BBS9: variants seen among roughly 807,000 people sequenced by gnomAD.
The protein encoded by BBS9 is Bardet-Biedl syndrome 9.
In BBS9, 89 loss-of-function variants were observed where a neutral mutation model predicts 117.7. The observed-to-expected ratio is 0.76, with a 90% confidence interval of 0.64 to 0.90. BBS9 has a LOEUF of 0.90. Among genes scored for constraint, BBS9 ranks in the 40% least tolerant of loss-of-function variants. The pLI, the probability that BBS9 is intolerant of heterozygous loss-of-function variation, is 0.00. For synonymous variants in BBS9, 379 were observed against 370.9 expected (o/e 1.02, Z -0.25); for missense variants, 982 against 1,042.2 (o/e 0.94, Z 0.80).
intron 13 of BBS9, among the ~76,000 whole-genome samples, chr7:33,349,711 G>T (rs1208278174): frequency 6.6e-6 from 1 of 152,170 alleles, no homozygotes; most frequent in East Asian, 1.9e-4. Context: ...GATTACAAGC[G>T]TGAGCCACCA....
intron 19 of BBS9, among the ~76,000 whole-genome samples, chr7:33,502,880 G>A (rs1845640844): frequency 6.6e-6 from 1 of 152,154 alleles, no homozygotes; most frequent in South Asian, 2.1e-4. Context: ...ATGAAAATGA[G>A]GGGCCCTTGT....
At position 33,225,699 on chromosome 7, in the gene BBS9, C is replaced by CTTT. The variant is rs72137184; in HGVS notation, c.443-31522_443-31520dup. Reference sequence around the variant, plus strand: ...AGCCACTTCTTTAAGGAGCTTGGTTCTTTTTTTTTTTTTTTTTGTGGGAAA... The same window carrying CTTT: ...AGCCACTTCTTTAAGGAGCTTGGTTCTTTTTTTTTTTTTTTTTTTTGTGGGAAA... On this transcript the variant is annotated intron_variant, in intron 5 of 22. Coordinates refer to ENST00000242067, the MANE Select transcript of BBS9 (RefSeq NM_198428.3). Among the ~76,000 whole-genome samples, 65 of 131,270 alleles carry CTTT rather than the reference C, an allele frequency of 5.0e-4. No homozygotes were observed. In the South Asian group the frequency reaches 0.014, roughly 27 times the overall value. The allele number at this position is 131,270 out of a possible 152,430, so 86.1% of individuals were successfully genotyped here. A position where few individuals can be genotyped will look rare whatever the true frequency, so the allele number is the denominator to read the frequency against.
At chr7:33,332,433 C>G (rs1814289346) in intron 9 of BBS9, among the ~76,000 whole-genome samples, 1 of 152,112 alleles carries the variant, frequency 6.6e-6, no homozygotes, top group African/African-American at 2.4e-5. Context: ...AATCCCAGCA[C>G]TTTGGGAGGC....
chr7:33,248,902 A>AT (rs549339367), intron 5 of BBS9, among the ~76,000 whole-genome samples: 19 of 152,166 alleles, frequency 1.2e-4, no homozygotes, highest in Admixed American at 7.2e-4. Context: ...AAGACCAAAT[A>AT]TTTTTGACAG....
At chr7:33,506,800 T>G (rs1253218834) in intron 20 of BBS9, among the ~76,000 whole-genome samples, 4 of 152,164 alleles carry the variant, frequency 2.6e-5, no homozygotes, top group Admixed American at 2.6e-4. Flanking sequence ...CACATTTTTG[T>G]TTAGTGGTGA....
intron 20 of BBS9, among the ~76,000 whole-genome samples, chr7:33,526,134 G>A (rs1849460207): frequency 6.6e-6 from 1 of 151,642 alleles, no homozygotes; most frequent in Non-Finnish European, 1.5e-5. Flanking sequence ...AGTCTGATGG[G>A]CTTCCCTTTG....
At chr7:33,462,921 C>T (rs1313140111) in intron 19 of BBS9, among the ~76,000 whole-genome samples, 2 of 151,992 alleles carry the variant, frequency 1.3e-5, no homozygotes, top group African/African-American at 4.8e-5. Context: ...TTAAAGGAAA[C>T]CTGAGTGAGT....
intron 15 of BBS9, among the ~76,000 whole-genome samples, chr7:33,353,886 G>T (rs1351171151): frequency 6.6e-6 from 1 of 151,280 alleles, no homozygotes; most frequent in East Asian, 1.9e-4. Context: ...TTAGAATTTG[G>T]GTCATTAAAA....
chr7:33,397,867 G>T (rs947452570), intron 19 of BBS9, among the ~76,000 whole-genome samples: 8 of 151,910 alleles, frequency 5.3e-5, no homozygotes, highest in African/African-American at 1.9e-4. Flanking sequence ...GCTAATGGGT[G>T]CTGGGATTAA....
chr7:33,533,838 T>C, intron 20 of BBS9, 116 bp from the exon 21 acceptor site: 3 of 1,224,550 alleles, frequency 2.4e-6, no homozygotes, highest in Non-Finnish European at 3.6e-6. Context: ...GATACCACAC[T>C]CTTCACAGGT....
intron 21 of BBS9, among the ~76,000 whole-genome samples, chr7:33,577,177 A>C (rs1859047341): frequency 6.6e-6 from 1 of 152,196 alleles, no homozygotes; most frequent in South Asian, 2.1e-4. Context: ...TAACATCCAG[A>C]ATCTACAAAG....
chr7:33,396,059 GA>G (rs1234610856), intron 19 of BBS9, among the ~76,000 whole-genome samples: 1 of 152,018 alleles, frequency 6.6e-6, no homozygotes, highest in African/African-American at 2.4e-5. Context: ...GTTTGTGGAT[GA>G]ACAGGGGTGG....
At chr7:33,425,333 A>C (rs902740512) in intron 19 of BBS9, among the ~76,000 whole-genome samples, 4 of 152,152 alleles carry the variant, frequency 2.6e-5, no homozygotes, top group Non-Finnish European at 1.5e-5. Flanking sequence ...AAACAGGCAC[A>C]CTTTAAAAAA....
At chr7:33,406,225 G>T (rs1230499813) in intron 19 of BBS9, among the ~76,000 whole-genome samples, 2 of 152,082 alleles carry the variant, frequency 1.3e-5, no homozygotes, top group Admixed American at 1.3e-4. Flanking sequence ...TATAATTTCT[G>T]TTCTTTTACA....
At chr7:33,352,969 C>A in intron 15 of BBS9, 96 bp downstream of exon 15, 1 of 1,298,760 alleles carries the variant, frequency 7.7e-7, no homozygotes. Context: ...TTTTTATGGA[C>A]TGCTCTTTTA....
At chr7:33,185,295 A>AT (rs1250096444) in intron 5 of BBS9, among the ~76,000 whole-genome samples, 1 of 150,278 alleles carries the variant, frequency 6.7e-6, no homozygotes, top group Non-Finnish European at 1.5e-5. Flanking sequence ...TCTCAGCCTC[A>AT]TTTTACCCAG....
chr7:33,258,441 A>G (rs1457706359), intron 6 of BBS9, among the ~76,000 whole-genome samples: 1 of 152,232 alleles, frequency 6.6e-6, no homozygotes, highest in Admixed American at 6.5e-5. Context: ...TCTAGGGTTA[A>G]AACTCTGAAA....
At chr7:33,623,281 GAAA>G (rs545845233) in intron 21 of BBS9, among the ~76,000 whole-genome samples, 2 of 145,726 alleles carry the variant, frequency 1.4e-5, no homozygotes, top group Non-Finnish European at 3.0e-5. Flanking sequence ...GCTAAAATTG[GAAA>G]AAAAAAACCT....
chr7:33,168,038 TTAA>T (rs2128139089), intron 4 of BBS9, among the ~76,000 whole-genome samples: 1 of 152,290 alleles, frequency 6.6e-6, no homozygotes, highest in Non-Finnish European at 1.5e-5. Flanking sequence ...GGTACATATA[TTAA>T]TAACATATTC....
Sources: allele counts gnomAD v4.1 joint callset (sites outside exome capture counted in the v4.1 genomes callset), GRCh38; gene constraint gnomAD v4.1.1; transcripts MANE v1.5; gene names NCBI Gene and HGNC (gene_info 2026-07-23, HGNC 2026-07-21).